The following IFNA16 variants were observed in gnomAD, a reference collection of about 807,000 sequenced individuals.
IFNA16 encodes the protein interferon alpha 16, also known as interferon alpha-16.
For missense variants in IFNA16, 332 were observed against 213.5 expected (o/e 1.55, Z -3.46); for synonymous variants, 122 against 83.3 (o/e 1.46, Z -2.53).
Position 21,217,237 on chromosome 9 carries a change from G to A in IFNA16, c.69C>T (p.Gly23=). The change falls in exon 1 of 1, where the codon GGC becomes GGT. Residue 23 remains glycine (G), a synonymous_variant. Coordinates refer to ENST00000380216, the MANE Select transcript of IFNA16 (RefSeq NM_002173.3). ...GGCTGTGAGTCTGAGGCAGATCACA[G>A]CCCAGAGAACAGATGGATTTGTAGC... ...VLSYKSICSL[G]CDLPQTHSLG... 3 of 1,614,024 alleles carry A rather than the reference G, an allele frequency of 1.9e-6. No homozygotes were observed. The highest frequency in any genetic ancestry group is 2.5e-6 in the Non-Finnish European group (3 of 1,179,942).
rs775490917 is a variant in IFNA16, at chr9:21,216,993, G to A, written c.313C>T (p.Leu105=). The A allele has an allele frequency of 8.1e-6, 13 of 1,613,874 alleles. No individual in the cohort carries two copies. The highest frequency in any genetic ancestry group is 1.1e-5 in the Non-Finnish European group (13 of 1,179,894). The change falls in exon 1 of 1, where the codon CTA becomes TTA. Residue 105 remains leucine, a synonymous_variant. Transcript: ENST00000380216. ...DSSAAWDETL[L]DKFYIELFQQ... ...AAAAGTTCAATGTAGAATTTGTCTA[G>A]GAGGGTCTCATCCCAAGCAGCAGAT...
chr9:21,216,547 G>C lies in IFNA16; in HGVS notation c.*189C>G. ...AATAAATAGATGAATAGAGACATCA[G>C]CATGGTCATCTGTAAAGGACTAGTG... On this transcript the variant is annotated 3_prime_UTR_variant, in exon 1 of 1. Transcript: ENST00000380216. The C allele has an allele frequency of 1.8e-6, 1 of 556,754 alleles. No homozygotes were observed. Among genetic ancestry groups the C allele is most frequent in the Non-Finnish European group, 2.9e-6 (1 of 345,060 alleles). 34.5% of individuals were successfully genotyped at this position (556,754 alleles called of 1,614,324 possible). A position where few individuals can be genotyped will look rare whatever the true frequency, so the allele number is the denominator to read the frequency against.
rs890087993 is a variant in IFNA16 at position 21,216,710 on chromosome 9, G to A, written c.*26C>T. On this transcript the variant is annotated 3_prime_UTR_variant, in exon 1 of 1. Transcript: ENST00000380216. ...TGTGAGATGATGTATTAATCAATGA[G>A]GATCATTTCCATGTTGAATGAGTTT... is the stretch of plus-strand genomic sequence containing the variant. The A allele has an allele frequency of 1.2e-6, 2 of 1,608,146 alleles. No homozygotes were observed. Among genetic ancestry groups the A allele is most frequent in the Admixed American group, 1.7e-5 (1 of 58,598 alleles).
rs1247516616 is a variant in IFNA16, at chr9:21,216,961, T to A, written c.345A>T (p.Gln115His). The change falls in exon 1 of 1, where the codon CAA (glutamine) becomes CAT (histidine). Residue 115 changes from glutamine (Q) to histidine (H), a missense_variant. Physicochemically the swap from Gln to His is conservative, Grantham distance 24 (BLOSUM62 0). Transcript: ENST00000380216. Reference protein sequence around the residue: ...LDKFYIELFQQLNDLEACVTQ... With the variant: ...LDKFYIELFQHLNDLEACVTQ... ...TCACACAGGCTTCTAGGTCATTCAGTTGCTGGAAAAGTTCAATGTAGAATT... is the reference window on the plus strand; with the variant it reads ...TCACACAGGCTTCTAGGTCATTCAGATGCTGGAAAAGTTCAATGTAGAATT... 1 of 1,613,832 alleles carries A rather than the reference T, an allele frequency of 6.2e-7. No individual in the cohort carries two copies. Among genetic ancestry groups the A allele is most frequent in the East Asian group, 2.2e-5 (1 of 44,864 alleles).
chr9:21,216,586 A>C lies in IFNA16; in HGVS notation c.*150T>G, dbSNP rs1185170251. 2 of 1,147,914 alleles carry C rather than the reference A, an allele frequency of 1.7e-6. No homozygotes were observed. The highest frequency in any genetic ancestry group is 3.1e-5 in the African/African-American group (2 of 63,768). 71.1% of individuals were successfully genotyped at this position (1,147,914 alleles called of 1,614,324 possible). ...AAAGGACTAGTGCCTGCACAGGTAAACACGATGCTTCTTTACACTCCTGAA... is the reference window on the plus strand; with the variant it reads ...AAAGGACTAGTGCCTGCACAGGTAACCACGATGCTTCTTTACACTCCTGAA... On this transcript the variant is annotated 3_prime_UTR_variant, in exon 1 of 1. Transcript: ENST00000380216.
chr9:21,216,582 G>T lies in IFNA16; in HGVS notation c.*154C>A, dbSNP rs1475450767. On this transcript the variant is annotated 3_prime_UTR_variant, in exon 1 of 1. Coordinates refer to ENST00000380216, the MANE Select transcript of IFNA16 (RefSeq NM_002173.3). Reference sequence around the variant, plus strand: ...CTGTAAAGGACTAGTGCCTGCACAGGTAAACACGATGCTTCTTTACACTCC... The same window carrying T: ...CTGTAAAGGACTAGTGCCTGCACAGTTAAACACGATGCTTCTTTACACTCC... 1 of 1,096,082 alleles carries T rather than the reference G, an allele frequency of 9.1e-7. No individual in the cohort carries two copies. The highest frequency in any genetic ancestry group is 2.8e-5 in the Admixed American group (1 of 35,292). 67.9% of individuals were successfully genotyped at this position (1,096,082 alleles called of 1,614,324 possible).
Position 21,216,707 on chromosome 9 carries a change from T to G in IFNA16, c.*29A>C. The G allele has an allele frequency of 3.7e-6, 6 of 1,606,884 alleles. No homozygotes were observed. The highest frequency in any genetic ancestry group is 1.3e-5 in the African/African-American group (1 of 74,474). ...AAGTGTGAGATGATGTATTAATCAA[T>G]GAGGATCATTTCCATGTTGAATGAG... On this transcript the variant is annotated 3_prime_UTR_variant, in exon 1 of 1. Coordinates refer to ENST00000380216, the MANE Select transcript of IFNA16 (RefSeq NM_002173.3).
Position 21,217,240 on chromosome 9 carries a change from C to A in IFNA16, c.66G>T (p.Leu22=). Residue 22 remains leucine (L), a synonymous_variant, in exon 1 of 1, where the codon CTG becomes CTT. Transcript: ENST00000380216. ...TGTGAGTCTGAGGCAGATCACAGCC[C>A]AGAGAACAGATGGATTTGTAGCTGA... The part of the protein sequence containing the change: ...LVLSYKSICS[L]GCDLPQTHSL... The A allele has an allele frequency of 6.2e-7, 1 of 1,613,974 alleles. No homozygotes were observed. Among genetic ancestry groups the A allele is most frequent in the Non-Finnish European group, 8.5e-7 (1 of 1,179,940 alleles).
In IFNA16 at chr9:21,216,727, A is replaced by C. The variant is rs1818457710; in HGVS notation, c.*9T>G. 3 of 1,611,558 alleles carry C rather than the reference A, an allele frequency of 1.9e-6. No homozygotes were observed. Among genetic ancestry groups the C allele is most frequent in the Non-Finnish European group, 2.5e-6 (3 of 1,179,028 alleles). ...ATCAATGAGGATCATTTCCATGTTG[A>C]ATGAGTTTTCAATCCTTCCTTCTTA... On this transcript the variant is annotated 3_prime_UTR_variant, in exon 1 of 1. Coordinates refer to ENST00000380216, the MANE Select transcript of IFNA16 (RefSeq NM_002173.3).
chr9:21,216,579 C>A lies in IFNA16; in HGVS notation c.*157G>T. On this transcript the variant is annotated 3_prime_UTR_variant, in exon 1 of 1. Transcript: ENST00000380216. ...CATCTGTAAAGGACTAGTGCCTGCA[C>A]AGGTAAACACGATGCTTCTTTACAC... The A allele has an allele frequency of 9.7e-7, 1 of 1,031,222 alleles. No homozygotes were observed. The highest frequency in any genetic ancestry group is 1.4e-6 in the Non-Finnish European group (1 of 720,138). 63.9% of individuals were successfully genotyped at this position (1,031,222 alleles called of 1,614,324 possible). A position where few individuals can be genotyped will look rare whatever the true frequency, so the allele number is the denominator to read the frequency against.
rs1042687923 is a variant in IFNA16, at chr9:21,216,492, C to G, written c.*244G>C. On this transcript the variant is annotated 3_prime_UTR_variant, in exon 1 of 1. Transcript: ENST00000380216. The stretch of plus-strand genomic sequence containing the variant: ...ATATTACATAAAACATGATTTAAAC[C>G]TTAAAAATAGTTAAATAAATAAATA... 9 of 260,900 alleles carry G rather than the reference C, an allele frequency of 3.4e-5. No individual in the cohort carries two copies. Among genetic ancestry groups the G allele is most frequent in the Non-Finnish European group, 6.2e-5 (9 of 146,340 alleles). 16.2% of individuals were successfully genotyped at this position (260,900 alleles called of 1,614,324 possible).
rs201787047 is a variant in IFNA16 at position 21,217,310 on chromosome 9, A to T, written c.-5T>A. 35 of 1,601,660 alleles carry T rather than the reference A, an allele frequency of 2.2e-5. No homozygotes were observed. Among genetic ancestry groups the T allele is most frequent in the Non-Finnish European group, 2.9e-5 (34 of 1,174,302 alleles). ...TAAAGAAAAGGACAGGGCCATTGGG[A>T]TGTTGCAAATATTGCTAGGCTACTG... On this transcript the variant is annotated 5_prime_UTR_variant, in exon 1 of 1. Coordinates refer to ENST00000380216, the MANE Select transcript of IFNA16 (RefSeq NM_002173.3).
At position 21,216,829 on chromosome 9, in the gene IFNA16, G is replaced by A; in HGVS notation, c.477C>T (p.Tyr159=). ...TGACAACCTCCCAGGCACAAGGGCTGTATTTCTTCCCCATCAGATAAAGAG... is the reference window on the plus strand; with the variant it reads ...TGACAACCTCCCAGGCACAAGGGCTATATTTCTTCCCCATCAGATAAAGAG... ...RITLYLMGKK[Y]SPCAWEVVRA... The change falls in exon 1 of 1, where the codon TAC becomes TAT. Residue 159 remains tyrosine (Y), a synonymous_variant. Transcript: ENST00000380216. 3.7e-6 allele frequency: 6 copies of A among 1,613,972 alleles called. No homozygotes were observed. The highest frequency in any genetic ancestry group is 5.1e-6 in the Non-Finnish European group (6 of 1,179,936).
In IFNA16 at chr9:21,216,926, A is replaced by C. The variant is rs530278894; in HGVS notation, c.380T>G (p.Val127Gly). The C allele has an allele frequency of 6.2e-7, 1 of 1,613,802 alleles. No individual in the cohort carries two copies. Among genetic ancestry groups the C allele is most frequent in the Non-Finnish European group, 8.5e-7 (1 of 1,179,902 alleles). The part of the protein sequence containing the change: ...NDLEACVTQE[V>G]GVEEIALMNE... Reference sequence around the variant, plus strand: ...CATCAGGGCAATCTCTTCCACCCCAACCTCCTGTGTCACACAGGCTTCTAG... The same window carrying C: ...CATCAGGGCAATCTCTTCCACCCCACCCTCCTGTGTCACACAGGCTTCTAG... The change falls in exon 1 of 1, where the codon GTT becomes GGT. Residue 127 changes from valine (V) to glycine (G), a missense_variant. Transcript: ENST00000380216.
Position 21,216,966 on chromosome 9 carries a change from G to C in IFNA16, c.340C>G (p.Gln114Glu), listed in dbSNP as rs377677930. Residue 114 changes from glutamine (Q) to glutamate (E), a missense_variant, in exon 1 of 1, where the codon CAG becomes GAG. Transcript: ENST00000380216. Reference protein sequence around the residue: ...LLDKFYIELFQQLNDLEACVT... With the variant: ...LLDKFYIELFEQLNDLEACVT... ...CAGGCTTCTAGGTCATTCAGTTGCT[G>C]GAAAAGTTCAATGTAGAATTTGTCT... 1.9e-6 allele frequency: 3 copies of C among 1,613,792 alleles called. No individual in the cohort carries two copies. In the Admixed American group the frequency reaches 5.0e-5, roughly 27 times the overall value.
At position 21,217,277 on chromosome 9, in the gene IFNA16, G is replaced by C. The variant is rs368468798; in HGVS notation, c.29C>G (p.Ala10Gly). 6.2e-7 allele frequency: 1 copy of C among 1,613,232 alleles called. No homozygotes were observed. Among genetic ancestry groups the C allele is most frequent in the Non-Finnish European group, 8.5e-7 (1 of 1,179,618 alleles). The change falls in exon 1 of 1, where the codon GCC (alanine) becomes GGC (glycine). Residue 10 changes from alanine (A) to glycine (G), a missense_variant. Ala to Gly is a moderately conservative substitution (Grantham distance 60). Coordinates refer to ENST00000380216, the MANE Select transcript of IFNA16 (RefSeq NM_002173.3). Reference protein sequence around the residue: MALSFSLLMAVLVLSYKSIC... With the variant: MALSFSLLMGVLVLSYKSIC... ...GGATTTGTAGCTGAGCACCAGCACG[G>C]CCATCAGTAAAGAAAAGGACAGGGC...
chr9:21,217,226 G>T lies in IFNA16; in HGVS notation c.80C>A (p.Pro27His). 1 of 1,614,004 alleles carries T rather than the reference G, an allele frequency of 6.2e-7. No homozygotes were observed. The highest frequency in any genetic ancestry group is 8.5e-7 in the Non-Finnish European group (1 of 1,179,938). The part of the protein sequence containing the change: ...KSICSLGCDL[P>H]QTHSLGNRRA... ...CCTATTACCCAGGCTGTGAGTCTGA[G>T]GCAGATCACAGCCCAGAGAACAGAT... Residue 27 changes from proline to histidine, a missense_variant, in exon 1 of 1, where the codon CCT (proline) becomes CAT (histidine). Transcript: ENST00000380216.
rs1818456311 is a variant in IFNA16 at position 21,216,659 on chromosome 9, C to T, written c.*77G>A. ...ACTTGTGGTGGTTATAGAAGTGAGT[C>T]TTTGAAATGGAAGAACTCATGAAAG... On this transcript the variant is annotated 3_prime_UTR_variant, in exon 1 of 1. Transcript: ENST00000380216. 1.3e-6 allele frequency: 2 copies of T among 1,555,688 alleles called. No individual in the cohort carries two copies. Among genetic ancestry groups the T allele is most frequent in the African/African-American group, 2.8e-5 (2 of 72,340 alleles).
Position 21,216,745 on chromosome 9 carries a change from CCTT to C in IFNA16, c.558_560del (p.Arg187del), listed in dbSNP as rs1301144114. 2 of 1,613,298 alleles carry C rather than the reference CCTT, an allele frequency of 1.2e-6. No homozygotes were observed. The highest frequency in any genetic ancestry group is 1.7e-6 in the Non-Finnish European group (2 of 1,179,710). ...CATGTTGAATGAGTTTTCAATCCTTCCTTCTTAATCCTTTTTGCAAGTTTGTTG... is the reference window on the plus strand; with the variant it reads ...CATGTTGAATGAGTTTTCAATCCTTCCTTAATCCTTTTTGCAAGTTTGTTG... On this transcript the variant is annotated inframe_deletion, in exon 1 of 1. Transcript: ENST00000380216.
Sources: allele counts gnomAD v4.1 joint callset, GRCh38; gene constraint gnomAD v4.1.1; transcripts MANE v1.5; gene names NCBI Gene and HGNC (gene_info 2026-07-23, HGNC 2026-07-21).